Variants in FMN2 observed in about 807,000 individuals in gnomAD.
FMN2 encodes formin 2.
A neutral mutation model predicts 142.3 loss-of-function variants in FMN2; 51 were observed. The ratio of observed to expected loss-of-function variants is 0.36; its 90% CI spans 0.29 to 0.45. The LOEUF is 0.45. FMN2 is among the 20% of genes least tolerant of loss of function. FMN2 has a pLI of 1.00. For synonymous variants in FMN2, 882 were observed against 869.8 expected, an observed-to-expected ratio of 1.01 and a Z score of -0.25; for missense variants, 1,936 against 2,122.8, an observed-to-expected ratio of 0.91 and a Z score of 1.73.
chr1:240,333,281 G>A (rs990645761), intron 11 of FMN2, among the ~76,000 whole-genome samples: 5 of 152,150 alleles, frequency 3.3e-5, no homozygotes, highest in African/African-American at 1.2e-4. Flanking sequence ...TATCCACATT[G>A]TCTTATTTAT....
intron 15 of FMN2, among the ~76,000 whole-genome samples, chr1:240,436,505 A>C (rs1395146458): frequency 6.6e-6 from 1 of 151,990 alleles, no homozygotes; most frequent in Non-Finnish European, 1.5e-5. Context: ...AACTCACCTT[A>C]AAGATCTCAG....
chr1:240,158,871 T>A (rs1422210916), intron 2 of FMN2, among the ~76,000 whole-genome samples: 1 of 152,222 alleles, frequency 6.6e-6, no homozygotes, highest in Non-Finnish European at 1.5e-5. Flanking sequence ...ATTAATACCA[T>A]GTTTTTATGT....
rs766435844 is a variant in FMN2, at chr1:240,355,841, A to G, written c.4791A>G (p.Val1597=). The stretch of plus-strand genomic sequence containing the variant: ...CCTGTGAAGTTGAAGCAGGGAAAGT[A>G]TACCAGGTCTCCTCAAAAGAGCATA... The part of the protein sequence containing the change: ...LKACEVEAGK[V]YQVSSKEHMQ... The change falls in exon 14 of 18, where the codon GTA becomes GTG. Residue 1597 remains valine (V), a synonymous_variant. Coordinates refer to ENST00000319653, the MANE Select transcript of FMN2 (RefSeq NM_020066.5). 30 of 1,612,006 alleles carry G rather than the reference A, an allele frequency of 1.9e-5. No homozygotes were observed. The highest frequency in any genetic ancestry group is 1.2e-5 in the Non-Finnish European group (14 of 1,178,722).
intron 6 of FMN2, among the ~76,000 whole-genome samples, chr1:240,228,303 CA>C (rs577421634): frequency 0.014 from 686 of 47,640 alleles, no homozygotes; most frequent in Non-Finnish European, 0.021. Flanking sequence ...AACTCTGTCT[CA>C]AAAAAAAAAA....
At chr1:240,420,270 T>C (rs1264947125) in intron 15 of FMN2, among the ~76,000 whole-genome samples, 1 of 152,190 alleles carries the variant, frequency 6.6e-6, no homozygotes, top group Non-Finnish European at 1.5e-5. Context: ...CAATGCATGC[T>C]GGTGTGCCTA....
At chr1:240,155,482 A>G (rs1476945217) in intron 2 of FMN2, among the ~76,000 whole-genome samples, 1 of 152,008 alleles carries the variant, frequency 6.6e-6, no homozygotes, top group East Asian at 1.9e-4. Context: ...GGGTCTAGCT[A>G]TGTTGCCAGG....
chr1:240,235,438 GTC>G (rs1426749058), intron 6 of FMN2, among the ~76,000 whole-genome samples: 4 of 151,134 alleles, frequency 2.6e-5, no homozygotes, highest in African/African-American at 7.3e-5. Context: ...AGAGATGAGG[GTC>G]TCTCTCTGTT....
chr1:240,308,077 A>T (rs1670475438), intron 8 of FMN2, among the ~76,000 whole-genome samples: 1 of 152,206 alleles, frequency 6.6e-6, no homozygotes, highest in South Asian at 2.1e-4. Context: ...GTTGCCCAGG[A>T]TGGTGGGTAC....
intron 2 of FMN2, among the ~76,000 whole-genome samples, chr1:240,172,649 G>A (rs1664754488): frequency 6.6e-6 from 1 of 152,074 alleles, no homozygotes; most frequent in Non-Finnish European, 1.5e-5. Flanking sequence ...AGGTGATGAG[G>A]TTTGCTTAGG....
At position 240,293,681 on chromosome 1, in the gene FMN2, T is replaced by C. The variant is rs543064731; in HGVS notation, c.4154-1141T>C. 2.5e-3 allele frequency among the ~76,000 whole-genome samples: 386 copies of C among 152,292 alleles called. 1 individual carries two copies. Among genetic ancestry groups the C allele is most frequent in the Middle Eastern group, 0.01 (3 of 294 alleles). Reference sequence around the variant, plus strand: ...TGTCTGAGACTCTTACTCTTAGATATGTATTTCACACCTAATTTTTTTGGA... The same window carrying C: ...TGTCTGAGACTCTTACTCTTAGATACGTATTTCACACCTAATTTTTTTGGA... On this transcript the variant is annotated intron_variant, in intron 7 of 17. Transcript: ENST00000319653.
At position 240,148,512 on chromosome 1, in the gene FMN2, GGAGA is replaced by G. The variant is rs368426953; in HGVS notation, c.1782+25176_1782+25179del. ...AGAGAGAAAGAGAGGAGAGAGAGAA[GGAGA>G]GAGAGAGACTGAGACTGAGTTTGTC... On this transcript the variant is annotated intron_variant, in intron 2 of 17. Transcript: ENST00000319653. Among the ~76,000 whole-genome samples, 535 of 150,266 alleles carry G rather than the reference GGAGA, an allele frequency of 3.6e-3. 4 individuals are homozygous for G. Among genetic ancestry groups the G allele is most frequent in the African/African-American group, 0.012 (511 of 41,000 alleles).
Position 240,319,938 on chromosome 1 carries a change from T to C in FMN2, c.4216-9138T>C, listed in dbSNP as rs543435851. ...CGTTAATGATTTTTTTCCCCAGGAG[T>C]TGAAATAGTACAATTCGGTTGCAGA... On this transcript the variant is annotated intron_variant, in intron 8 of 17. Transcript: ENST00000319653. Among the ~76,000 whole-genome samples the C allele has an allele frequency of 3.9e-5, 6 of 152,070 alleles. No homozygotes were observed. The South Asian group carries it at 1.0e-3, about 26-fold the overall frequency.
chr1:240,463,922 G>T (rs1297671074), intron 16 of FMN2, among the ~76,000 whole-genome samples: 1 of 152,106 alleles, frequency 6.6e-6, no homozygotes, highest in African/African-American at 2.4e-5. Flanking sequence ...AGAATCATTT[G>T]AACCTACGAG....
At chr1:240,388,673 C>G (rs1048835824) in intron 14 of FMN2, among the ~76,000 whole-genome samples, 7 of 151,816 alleles carry the variant, frequency 4.6e-5, no homozygotes, top group Admixed American at 2.0e-4. Context: ...ACCAGCCTGA[C>G]CAATATGATG....
chr1:240,374,376 A>G (rs959641023), intron 14 of FMN2, among the ~76,000 whole-genome samples: 1 of 152,192 alleles, frequency 6.6e-6, no homozygotes, highest in Non-Finnish European at 1.5e-5. Flanking sequence ...CTCTCTAGCT[A>G]TGAAACTCCT....
In FMN2 at chr1:240,093,599, G is replaced by C. The variant is rs1661091666; in HGVS notation, c.1490G>C (p.Gly497Ala). ...EELGARTPRV[G>A]GSAHLLERGV... Reference sequence around the variant, plus strand: ...CTAGGCGCCCGCACGCCCCGGGTGGGAGGCTCCGCGCACCTGCTGGAGCGC... The same window carrying C: ...CTAGGCGCCCGCACGCCCCGGGTGGCAGGCTCCGCGCACCTGCTGGAGCGC... Residue 497 changes from glycine (G) to alanine (A), a missense_variant, in exon 1 of 18, where the codon GGA becomes GCA. Physicochemically the swap from Gly to Ala is moderately conservative, Grantham distance 60. Transcript: ENST00000319653. 1 of 1,436,746 alleles carries C rather than the reference G, an allele frequency of 7.0e-7. No individual in the cohort carries two copies. The highest frequency in any genetic ancestry group is 3.1e-5 in the Admixed American group (1 of 32,350). 89.0% of individuals were successfully genotyped at this position (1,436,746 alleles called of 1,614,324 possible).
At chr1:240,294,929 C>G in intron 8 of FMN2, 46 bp downstream of exon 8, 7 of 1,470,388 alleles carry the variant, frequency 4.8e-6, no homozygotes, top group Non-Finnish European at 6.7e-6. Flanking sequence ...AATATGTACA[C>G]AGTACATGTC....
At chr1:240,178,615 T>C (rs1665026592) in intron 3 of FMN2, among the ~76,000 whole-genome samples, 1 of 152,050 alleles carries the variant, frequency 6.6e-6, no homozygotes, top group Non-Finnish European at 1.5e-5. Flanking sequence ...CTAATTTTTT[T>C]GTAGAGCCAG....
chr1:240,435,712 A>C (rs2103173444), intron 15 of FMN2, among the ~76,000 whole-genome samples: 1 of 152,332 alleles, frequency 6.6e-6, no homozygotes, highest in Admixed American at 6.5e-5. Flanking sequence ...CTGGTCATAG[A>C]GGCAGGATTC....
Sources: gnomAD v4.1 joint callset for allele counts (sites outside exome capture counted in the v4.1 genomes callset) on GRCh38, gnomAD v4.1.1 for gene constraint, MANE v1.5 for transcripts, NCBI Gene and HGNC (gene_info 2026-07-23, HGNC 2026-07-21) for gene names.